The following MTMR7 variants were observed in gnomAD, a reference collection of about 807,000 sequenced individuals.
MTMR7 encodes the protein myotubularin related protein 7, also known as phosphatidylinositol-3-phosphate phosphatase MTMR7.
In MTMR7, 76 loss-of-function variants were observed where a neutral mutation model predicts 81.2. The ratio of observed to expected loss-of-function variants is 0.94; its 90% CI spans 0.78 to 1.13. MTMR7 has a LOEUF of 1.13. Among genes scored for constraint, MTMR7 ranks in the 50% most tolerant of loss-of-function variants. The probability of loss-of-function intolerance (pLI) is 0.00; values close to 1 mark genes in which losing one functional copy is unlikely to be tolerated. For missense variants in MTMR7, 1,044 were observed against 820.0 expected, an observed-to-expected ratio of 1.27 and a Z score of -3.34; for synonymous variants, 372 against 289.8, an observed-to-expected ratio of 1.28 and a Z score of -2.88.
intron 1 of MTMR7, among the ~76,000 whole-genome samples, chr8:17,406,700 T>C (rs73551400): frequency 0.046 from 7,068 of 152,250 alleles, 528 homozygotes; most frequent in African/African-American, 0.16. Flanking sequence ...CACCGAAGTT[T>C]ATAGCAGCAT....
At position 17,298,335 on chromosome 8, in the gene MTMR7, T is replaced by C. The variant is rs921659311; in HGVS notation, c.*1527A>G. ...CCCAAATTTTATATTCTGAAAGAAT[T>C]AATTACACTTGCTTTATTTTTTACA... On this transcript the variant is annotated 3_prime_UTR_variant, in exon 14 of 14. Transcript: ENST00000180173. The C allele has an allele frequency of 7.9e-5, 12 of 152,236 alleles. No homozygotes were observed. The highest frequency in any genetic ancestry group is 2.6e-4 in the African/African-American group (11 of 41,566). 9.4% of individuals were successfully genotyped at this position (152,236 alleles called of 1,614,324 possible).
intron 7 of MTMR7, among the ~76,000 whole-genome samples, chr8:17,324,144 C>T (rs929914910): frequency 1.1e-4 from 17 of 152,184 alleles, no homozygotes; most frequent in Admixed American, 3.3e-4. Flanking sequence ...AAGATCTTTC[C>T]TTCCTGCCAT....
intron 1 of MTMR7, among the ~76,000 whole-genome samples, chr8:17,375,944 T>A (rs1281980842): frequency 6.6e-6 from 1 of 152,232 alleles, no homozygotes; most frequent in African/African-American, 2.4e-5. Flanking sequence ...CCCATTTAAA[T>A]GTACTATTCA....
rs147224680 is a variant in MTMR7 at position 17,361,164 on chromosome 8, G to C, written c.421C>G (p.Leu141Val). The part of the protein sequence containing the change: ...DLSEEYTRMG[L>V]PNHYWQLSDV... The stretch of plus-strand genomic sequence containing the variant: ...CTGAGCTGCCAGTAATGATTAGGGA[G>C]GCCCATCCGCGTGTATTCTTCACTA... The change falls in exon 4 of 14, where the codon CTC (leucine) becomes GTC (valine). Residue 141 changes from leucine to valine, a missense_variant. By Grantham distance (32) the Leu-to-Val change is conservative. Transcript: ENST00000180173. 1 of 1,614,032 alleles carries C rather than the reference G, an allele frequency of 6.2e-7. No homozygotes were observed. The highest frequency in any genetic ancestry group is 8.5e-7 in the Non-Finnish European group (1 of 1,180,038).
intron 1 of MTMR7, among the ~76,000 whole-genome samples, chr8:17,406,677 C>A (rs927180691): frequency 1.3e-5 from 2 of 152,154 alleles, no homozygotes; most frequent in African/African-American, 4.8e-5. Flanking sequence ...CATACGTCCA[C>A]ACAAAAACTT....
At chr8:17,323,392 C>G (rs1489824194) in intron 7 of MTMR7, among the ~76,000 whole-genome samples, 1 of 152,014 alleles carries the variant, frequency 6.6e-6, no homozygotes, top group Non-Finnish European at 1.5e-5. Flanking sequence ...AGTCAATATA[C>G]AAACGGAGCC....
chr8:17,381,813 T>C (rs947358160), intron 1 of MTMR7, among the ~76,000 whole-genome samples: 2 of 152,234 alleles, frequency 1.3e-5, no homozygotes, highest in South Asian at 2.1e-4. Flanking sequence ...TGTGCTAAAA[T>C]TGGTATCATG....
intron 4 of MTMR7, among the ~76,000 whole-genome samples, chr8:17,357,640 A>T (rs547151997): frequency 6.6e-6 from 1 of 152,356 alleles, no homozygotes; most frequent in South Asian, 2.1e-4. Flanking sequence ...TCAAAGTCGC[A>T]GTTTCCAAGA....
chr8:17,329,562 T>C (rs943342772), intron 7 of MTMR7, among the ~76,000 whole-genome samples: 11 of 152,224 alleles, frequency 7.2e-5, no homozygotes, highest in African/African-American at 2.7e-4. Context: ...ATGTGTATGC[T>C]ATCAGCACTG....
intron 1 of MTMR7, among the ~76,000 whole-genome samples, chr8:17,409,178 G>A (rs542239696): frequency 6.6e-6 from 1 of 152,200 alleles, no homozygotes; most frequent in African/African-American, 2.4e-5. Flanking sequence ...AAGTAATGAG[G>A]CTGGGCACAG....
chr8:17,331,330 C>A, intron 6 of MTMR7, 48 bp from the exon 7 acceptor site: 1 of 1,531,156 alleles, frequency 6.5e-7, no homozygotes, highest in East Asian at 2.3e-5. Flanking sequence ...ATTGATGAAA[C>A]AATGATGAAA....
At chr8:17,368,092 GT>G (rs1209613425) in intron 3 of MTMR7, among the ~76,000 whole-genome samples, 1 of 152,004 alleles carries the variant, frequency 6.6e-6, no homozygotes, top group Non-Finnish European at 1.5e-5. Context: ...GGGGTGTGGG[GT>G]TGGGGGATAG....
chr8:17,409,870 G>A (rs1459141741), intron 1 of MTMR7, among the ~76,000 whole-genome samples: 1 of 152,182 alleles, frequency 6.6e-6, no homozygotes, highest in African/African-American at 2.4e-5. Context: ...AAGTCCCGAG[G>A]CAGAAAAGAA....
intron 1 of MTMR7, among the ~76,000 whole-genome samples, chr8:17,400,688 T>C (rs1212104042): frequency 6.6e-6 from 1 of 152,242 alleles, no homozygotes; most frequent in African/African-American, 2.4e-5. Flanking sequence ...CAGACTTTTA[T>C]TGCACAATAT....
chr8:17,375,738 T>C (rs1451098497), intron 1 of MTMR7, among the ~76,000 whole-genome samples: 1 of 152,208 alleles, frequency 6.6e-6, no homozygotes, highest in East Asian at 1.9e-4. Flanking sequence ...CTCTTGAATG[T>C]TCTGAGTAGC....
chr8:17,321,150 C>A (rs1299206945), intron 7 of MTMR7, among the ~76,000 whole-genome samples: 5 of 152,188 alleles, frequency 3.3e-5, no homozygotes, highest in Non-Finnish European at 7.3e-5. Context: ...ATCCTTTTCA[C>A]CACCTTCTCT....
At chr8:17,382,853 T>G (rs536121879) in intron 1 of MTMR7, among the ~76,000 whole-genome samples, 3 of 152,240 alleles carry the variant, frequency 2.0e-5, no homozygotes, top group Non-Finnish European at 2.9e-5. Flanking sequence ...AACATTAATA[T>G]TGCACTTTAA....
chr8:17,409,251 G>C lies in MTMR7; in HGVS notation c.24+4018C>G, dbSNP rs1049040725. Among the ~76,000 whole-genome samples, 8 of 152,102 alleles carry C rather than the reference G, an allele frequency of 5.3e-5. No homozygotes were observed. The East Asian group carries it at 1.3e-3, about 26-fold the overall frequency. ...AGGCAAGTGGATCACCTGAGGTCAG[G>C]AGTTCAAGACCAGTCTGGCCAACAT... On this transcript the variant is annotated intron_variant, in intron 1 of 13. Transcript: ENST00000180173.
chr8:17,394,280 T>G (rs1452224507), intron 1 of MTMR7, among the ~76,000 whole-genome samples: 1 of 152,178 alleles, frequency 6.6e-6, no homozygotes, highest in Non-Finnish European at 1.5e-5. Context: ...CAATAAAAAG[T>G]AGAAACAACT....
Sources: gnomAD v4.1 joint callset for allele counts (sites outside exome capture counted in the v4.1 genomes callset) on GRCh38, gnomAD v4.1.1 for gene constraint, MANE v1.5 for transcripts, NCBI Gene and HGNC (gene_info 2026-07-23, HGNC 2026-07-21) for gene names.